The following CDC42BPA variants were observed in gnomAD, a reference collection of about 807,000 sequenced individuals.
CDC42BPA encodes CDC42 binding protein kinase alpha.
CDC42BPA carries 80 observed loss-of-function variants against 223.5 expected under a neutral mutation model. The ratio of observed to expected loss-of-function variants is 0.36; its 90% CI spans 0.30 to 0.43. The LOEUF (loss-of-function observed/expected upper bound fraction) is 0.43. Ranked by LOEUF, CDC42BPA falls within the 20% of genes least tolerant of loss-of-function variation. The pLI, the probability that CDC42BPA is intolerant of heterozygous loss-of-function variation, is 1.00. For missense variants in CDC42BPA, 1,743 were observed against 2,099.9 expected (o/e 0.83, Z 3.32); for synonymous variants, 694 against 718.6 (o/e 0.97, Z 0.55).
Position 227,046,361 on chromosome 1 carries a change from G to A in CDC42BPA, c.3093+1566C>T, listed in dbSNP as rs551023055. ...CTGATATCCTCTCCAAGCAGAGTGG[G>A]GAGGAGGAGGCTACAGTCCCAAGAG... is the stretch of plus-strand genomic sequence containing the variant. On this transcript the variant is annotated intron_variant, in intron 23 of 36. Coordinates refer to ENST00000366766, the MANE Select transcript of CDC42BPA (RefSeq NM_001394014.1). Among the ~76,000 whole-genome samples, 112 of 152,152 alleles carry A rather than the reference G, an allele frequency of 7.4e-4. 1 individual carries two copies. In the Middle Eastern group the frequency reaches 0.014, roughly 18 times the overall value.
intron 20 of CDC42BPA, 70 bp from the exon 21 acceptor site, chr1:227,069,923 G>T: frequency 1.0e-6 from 1 of 1,003,964 alleles, no homozygotes; most frequent in Non-Finnish European, 1.6e-6. Context: ...AACCTTCCCT[G>T]TCTGAATCTA....
intron 5 of CDC42BPA, among the ~76,000 whole-genome samples, chr1:227,165,368 C>T (rs1355769364): frequency 1.3e-5 from 2 of 152,096 alleles, no homozygotes; most frequent in Non-Finnish European, 2.9e-5. Context: ...GAGAAAGGAA[C>T]TAAATTGACT....
intron 21 of CDC42BPA, among the ~76,000 whole-genome samples, chr1:227,065,659 C>T (rs904006172): frequency 1.3e-5 from 2 of 152,114 alleles, no homozygotes; most frequent in African/African-American, 4.8e-5. Flanking sequence ...TAACTTAAAA[C>T]CGTACTGTTT....
chr1:227,206,930 TTTATTTTA>T (rs1167290493), intron 3 of CDC42BPA, among the ~76,000 whole-genome samples: 1 of 151,118 alleles, frequency 6.6e-6, no homozygotes, highest in Non-Finnish European at 1.5e-5. Context: ...TTTTTATTAT[TTTATTTTA>T]TTATTATTAT....
At position 227,119,933 on chromosome 1, in the gene CDC42BPA, T is replaced by A. The variant is rs565016280; in HGVS notation, c.1518A>T (p.Ser506=). The A allele has an allele frequency of 1.3e-5, 20 of 1,583,584 alleles. No individual in the cohort carries two copies. The change falls in exon 12 of 37, where the codon TCA becomes TCT. Residue 506 remains serine, a synonymous_variant. Transcript: ENST00000366766. ...CTTCAAGTTGCTGTTCCAAATGACT[T>A]GATTCTAAAAACAAAAGACAATGTT... is the stretch of plus-strand genomic sequence containing the variant. ...IEKLRKQVTE[S]SHLEQQLEEA...
chr1:226,995,488 C>T (rs1225219575), intron 35 of CDC42BPA, among the ~76,000 whole-genome samples: 3 of 138,108 alleles, frequency 2.2e-5, no homozygotes, highest in Non-Finnish European at 3.3e-5. Context: ...TGAGGAAGCT[C>T]GGTTGTACCA....
chr1:227,286,520 A>C (rs1211694910), intron 1 of CDC42BPA, among the ~76,000 whole-genome samples: 1 of 152,182 alleles, frequency 6.6e-6, no homozygotes, highest in Non-Finnish European at 1.5e-5. Flanking sequence ...AGTCTTTAGT[A>C]AGTTCCAAAC....
At chr1:227,039,433 A>T (rs1429089547) in intron 24 of CDC42BPA, among the ~76,000 whole-genome samples, 1 of 152,198 alleles carries the variant, frequency 6.6e-6, no homozygotes, top group Non-Finnish European at 1.5e-5. Flanking sequence ...TTGATTTTTT[A>T]AAAAAGTATT....
At chr1:227,186,734 T>G (rs1668834976) in intron 5 of CDC42BPA, among the ~76,000 whole-genome samples, 1 of 152,030 alleles carries the variant, frequency 6.6e-6, no homozygotes. Flanking sequence ...GAAAAAGAGC[T>G]CAAAGCAGTC....
At chr1:226,995,948 A>G (rs1411280338) in intron 35 of CDC42BPA, among the ~76,000 whole-genome samples, 1 of 152,230 alleles carries the variant, frequency 6.6e-6, no homozygotes, top group Non-Finnish European at 1.5e-5. Context: ...TGTTTTTCAC[A>G]TTAAGAATTC....
At position 227,056,953 on chromosome 1, in the gene CDC42BPA, A is replaced by T. The variant is rs568183336; in HGVS notation, c.2905-4968T>A. On this transcript the variant is annotated intron_variant, in intron 21 of 36. Transcript: ENST00000366766. The stretch of plus-strand genomic sequence containing the variant: ...GGTTGTGACCAGTAAGGGTAAGCTT[A>T]CTAGTTATACATAATGCACCTTGTT... 3.9e-5 allele frequency among the ~76,000 whole-genome samples: 6 copies of T among 152,322 alleles called. No individual in the cohort carries two copies. The South Asian group carries it at 1.2e-3, about 32-fold the overall frequency.
At chr1:227,150,365 A>G (rs1342549999) in intron 6 of CDC42BPA, among the ~76,000 whole-genome samples, 1 of 152,208 alleles carries the variant, frequency 6.6e-6, no homozygotes, top group Non-Finnish European at 1.5e-5. Flanking sequence ...ATTATCTACT[A>G]AGAAATGACA....
intron 21 of CDC42BPA, among the ~76,000 whole-genome samples, chr1:227,066,792 CA>C (rs1677187886): frequency 1.3e-5 from 2 of 152,178 alleles, no homozygotes; most frequent in African/African-American, 4.8e-5. Flanking sequence ...GCATTACATA[CA>C]CTGTTTCCTT....
At chr1:227,208,222 T>C (rs1484031582) in intron 3 of CDC42BPA, among the ~76,000 whole-genome samples, 2 of 151,528 alleles carry the variant, frequency 1.3e-5, no homozygotes, top group Non-Finnish European at 3.0e-5. Flanking sequence ...TGTTTTTTTC[T>C]TGTAAATTTG....
intron 23 of CDC42BPA, among the ~76,000 whole-genome samples, chr1:227,045,206 G>A (rs1052562593): frequency 1.3e-5 from 2 of 152,126 alleles, no homozygotes; most frequent in African/African-American, 4.8e-5. Flanking sequence ...TTTGAGATCT[G>A]GAATTTCTCA....
At chr1:227,192,594 T>G (rs1038050858) in intron 5 of CDC42BPA, among the ~76,000 whole-genome samples, 3 of 152,232 alleles carry the variant, frequency 2.0e-5, no homozygotes, top group Non-Finnish European at 4.4e-5. Flanking sequence ...AAAGATACTC[T>G]CATTTGAATG....
At chr1:227,145,453 CAGAG>C in intron 8 of CDC42BPA, 32 bp downstream of exon 8, 1 of 1,579,144 alleles carries the variant, frequency 6.3e-7, no homozygotes, top group Non-Finnish European at 8.6e-7. Context: ...TAGAAAGAAA[CAGAG>C]GGACAGAACT....
At chr1:227,265,133 G>C in intron 1 of CDC42BPA, 1 of 753,304 alleles carries the variant, frequency 1.3e-6, no homozygotes, top group Non-Finnish European at 2.5e-6. Context: ...AACATGCTGT[G>C]TACTAAGATT....
chr1:227,027,037 C>T (rs1338771889), intron 30 of CDC42BPA, among the ~76,000 whole-genome samples: 1 of 152,206 alleles, frequency 6.6e-6, no homozygotes, highest in African/African-American at 2.4e-5. Context: ...AAGCGATCCT[C>T]CTGCCTCAGC....
Sources: allele counts gnomAD v4.1 joint callset (sites outside exome capture counted in the v4.1 genomes callset), GRCh38; gene constraint gnomAD v4.1.1; transcripts MANE v1.5; gene names NCBI Gene and HGNC (gene_info 2026-07-23, HGNC 2026-07-21).